Variants in DCTN5 observed in about 807,000 individuals in gnomAD.
DCTN5 encodes the protein dynactin 4.
DCTN5 carries 14 observed loss-of-function variants against 23.5 expected under a neutral mutation model. The observed-to-expected ratio is 0.60, with a 90% CI of 0.39 to 0.93. DCTN5 has a LOEUF of 0.93. Among genes scored for constraint, DCTN5 ranks in the 40% least tolerant of loss-of-function variants. The pLI, the probability that DCTN5 is intolerant of heterozygous loss-of-function variation, is 0.00. For synonymous variants in DCTN5, 67 were observed against 79.6 expected, an observed-to-expected ratio of 0.84 and a Z score of 0.84; for missense variants, 156 against 225.9, an observed-to-expected ratio of 0.69 and a Z score of 1.98.
chr16:23,669,739 C>T lies in DCTN5; in HGVS notation c.*2595C>T, dbSNP rs1187499801. On this transcript the variant is annotated 3_prime_UTR_variant, in exon 6 of 6. Transcript: ENST00000300087. ...CCCTCTGCCCAATCTCTCATTACTC[C>T]TGGTCTTGGGAGTTGCCTTCTGAGG... 6.6e-6 allele frequency: 1 copy of T among 152,356 alleles called. No homozygotes were observed. The highest frequency in any genetic ancestry group is 1.5e-5 in the Non-Finnish European group (1 of 68,184). The allele number at this position is 152,356 out of a possible 1,614,324, so 9.4% of individuals were successfully genotyped here.
At position 23,674,940 on chromosome 16, in the gene DCTN5, G is replaced by A. The variant is rs1968065640; in HGVS notation, c.*7796G>A. The A allele has an allele frequency of 6.6e-6, 1 of 152,074 alleles. No individual in the cohort carries two copies. The highest frequency in any genetic ancestry group is 6.6e-5 in the Admixed American group (1 of 15,252). 9.4% of individuals were successfully genotyped at this position (152,074 alleles called of 1,614,324 possible). ...GTATGGTCCCTCTGTCTGGGTGTCT[G>A]TGTCCTAATCTTCTCTTTTAATAAG... On this transcript the variant is annotated 3_prime_UTR_variant, in exon 6 of 6. Transcript: ENST00000300087.
At chr16:23,655,085 TTA>T (rs1274384943) in intron 2 of DCTN5, among the ~76,000 whole-genome samples, 3 of 152,230 alleles carry the variant, frequency 2.0e-5, no homozygotes, top group Non-Finnish European at 2.9e-5. Flanking sequence ...ATATACTCTT[TTA>T]TGTCAAGCTT....
chr16:23,650,791 CA>C, intron 2 of DCTN5: 2 of 1,532,032 alleles, frequency 1.3e-6, no homozygotes, highest in South Asian at 2.4e-5. Flanking sequence ...GCCCATATAT[CA>C]GATGTCACAG....
chr16:23,645,137 A>ATTTTTTTTTTTTT (rs869033729), intron 2 of DCTN5, among the ~76,000 whole-genome samples: 1 of 30,804 alleles, frequency 3.2e-5, no homozygotes, highest in African/African-American at 1.3e-4. Context: ...ATATATATAT[A>ATTTTTTTTTTTTT]TTTTTTTTTT....
intron 2 of DCTN5, among the ~76,000 whole-genome samples, chr16:23,647,712 T>A (rs542169180): frequency 6.6e-6 from 1 of 152,084 alleles, no homozygotes; most frequent in African/African-American, 2.4e-5. Context: ...TTTACCATGT[T>A]GGCCAGGCTG....
At position 23,643,047 on chromosome 16, in the gene DCTN5, G is replaced by T. The variant is rs1967335092; in HGVS notation, c.117+24G>T. 3 of 1,609,012 alleles carry T rather than the reference G, an allele frequency of 1.9e-6. No homozygotes were observed. In the African/African-American group the frequency reaches 4.0e-5, roughly 22 times the overall value. The stretch of plus-strand genomic sequence containing the variant: ...AGGTAAGGGACAAAGCCAGCTCCAG[G>T]CTGCAAACCTTAGCTTGCGTTCTGC... On this transcript the variant is annotated intron_variant, in intron 2 of 5. Coordinates refer to ENST00000300087, the MANE Select transcript of DCTN5 (RefSeq NM_032486.4).
chr16:23,648,842 C>A (rs1194715603), intron 2 of DCTN5, among the ~76,000 whole-genome samples: 1 of 147,484 alleles, frequency 6.8e-6, no homozygotes, highest in African/African-American at 2.5e-5. Context: ...TTGCCCTTCC[C>A]TATGATTAGT....
intron 2 of DCTN5, among the ~76,000 whole-genome samples, chr16:23,653,400 C>T (rs1967641234): frequency 1.3e-5 from 2 of 152,138 alleles, no homozygotes; most frequent in Non-Finnish European, 2.9e-5. Context: ...TAAGACCACA[C>T]ACCTACAACT....
At position 23,654,012 on chromosome 16, in the gene DCTN5, G is replaced by A. The variant is rs193055578; in HGVS notation, c.118-4495G>A. Among the ~76,000 whole-genome samples, 293 of 152,228 alleles carry A rather than the reference G, an allele frequency of 1.9e-3. 3 individuals carry two copies. Among genetic ancestry groups the A allele is most frequent in the African/African-American group, 6.9e-3 (285 of 41,556 alleles). On this transcript the variant is annotated intron_variant, in intron 2 of 5. Transcript: ENST00000300087. ...CCGTCTCACACCAGTCAGAATAGCTGTTATTAAAAAGTCAGAAAATAACAG... is the reference window on the plus strand; with the variant it reads ...CCGTCTCACACCAGTCAGAATAGCTATTATTAAAAAGTCAGAAAATAACAG...
intron 2 of DCTN5, among the ~76,000 whole-genome samples, chr16:23,645,137 A>ATTTTTTTTTTTTTT (rs869033729): frequency 6.5e-5 from 2 of 30,804 alleles, no homozygotes; most frequent in African/African-American, 2.6e-4. Flanking sequence ...ATATATATAT[A>ATTTTTTTTTTTTTT]TTTTTTTTTT....
rs1967257808 is a variant in DCTN5 at position 23,641,557 on chromosome 16, G to A, written c.15G>A (p.Glu5=). Residue 5 remains glutamate, a synonymous_variant, in exon 1 of 6, where the codon GAG becomes GAA. Coordinates refer to ENST00000300087, the MANE Select transcript of DCTN5 (RefSeq NM_032486.4). MELG[E]LLYNKSEYIE... ...AGGCGGCGGCCATGGAGTTGGGCGA[G>A]CTGCTCTACAACAAGTCTGAGTACA... 6.2e-7 allele frequency: 1 copy of A among 1,614,008 alleles called. No individual in the cohort carries two copies. The highest frequency in any genetic ancestry group is 1.7e-5 in the Admixed American group (1 of 59,998).
intron 2 of DCTN5, among the ~76,000 whole-genome samples, chr16:23,652,707 T>C (rs1414284125): frequency 1.3e-5 from 2 of 152,194 alleles, no homozygotes; most frequent in Admixed American, 1.3e-4. Context: ...AAAACTAATA[T>C]AGATTAGTTT....
intron 4 of DCTN5, among the ~76,000 whole-genome samples, chr16:23,662,670 A>G (rs1429066498): frequency 8.5e-5 from 13 of 152,232 alleles, no homozygotes; most frequent in Admixed American, 8.5e-4. Context: ...AGGGTACAGC[A>G]AAGGTGGACA....
Position 23,641,488 on chromosome 16 carries a change from A to T in DCTN5, c.-55A>T. 6.2e-7 allele frequency: 1 copy of T among 1,610,306 alleles called. No individual in the cohort carries two copies. Among genetic ancestry groups the T allele is most frequent in the South Asian group, 1.1e-5 (1 of 90,784 alleles). Reference sequence around the variant, plus strand: ...GCCGGAAGTAGCCGGAATCTCTGAAAGACTGACCGACTGACTCTGACAGGA... The same window carrying T: ...GCCGGAAGTAGCCGGAATCTCTGAATGACTGACCGACTGACTCTGACAGGA... On this transcript the variant is annotated 5_prime_UTR_variant, in exon 1 of 6. The change creates a new upstream start codon in the 5' untranslated region. Coordinates refer to ENST00000300087, the MANE Select transcript of DCTN5 (RefSeq NM_032486.4).
At position 23,673,986 on chromosome 16, in the gene DCTN5, G is replaced by A. The variant is rs1004577500; in HGVS notation, c.*6842G>A. On this transcript the variant is annotated 3_prime_UTR_variant, in exon 6 of 6. Transcript: ENST00000300087. ...GACTCTAAGACCAACAAGATAAAAA[G>A]GCAGCCTTGCATGTCACTTGGACCA... 1.3e-5 allele frequency: 2 copies of A among 152,170 alleles called. No individual in the cohort carries two copies. Among genetic ancestry groups the A allele is most frequent in the African/African-American group, 4.8e-5 (2 of 41,438 alleles). The allele number at this position is 152,170 out of a possible 1,614,324, so 9.4% of individuals were successfully genotyped here.
In DCTN5 at chr16:23,665,628, G is replaced by A; in HGVS notation, c.351G>A (p.Gly117=). The change falls in exon 5 of 6, where the codon GGG becomes GGA. Residue 117 remains glycine, a splice_region_variant and synonymous_variant. Coordinates refer to ENST00000300087, the MANE Select transcript of DCTN5 (RefSeq NM_032486.4). ...TATTAACAAGATTTTAATTTCAGGG[G>A]CGCCGATGTGTGTTGAAAGACTGCT... ...YVHVGKNCVI[G]RRCVLKDCCK... 1 of 1,611,764 alleles carries A rather than the reference G, an allele frequency of 6.2e-7. No homozygotes were observed. The highest frequency in any genetic ancestry group is 8.5e-7 in the Non-Finnish European group (1 of 1,179,530).
rs1959220180 is a variant in DCTN5, at chr16:23,675,986, C to CCT, written c.*8842_*8843insCT. On this transcript the variant is annotated 3_prime_UTR_variant, in exon 6 of 6. Transcript: ENST00000300087. ...TTCCCCTGGTAGGAGGTCTGTTCAC[C>CCT]TGTACAGCCTAATGGATGTCCTGCT... 3 of 152,102 alleles carry CCT rather than the reference C, an allele frequency of 2.0e-5. No individual in the cohort carries two copies. Among genetic ancestry groups the CCT allele is most frequent in the Admixed American group, 2.0e-4 (3 of 15,256 alleles). The allele number at this position is 152,102 out of a possible 1,614,324, so 9.4% of individuals were successfully genotyped here.
chr16:23,663,439 C>A (rs781194421), intron 4 of DCTN5, among the ~76,000 whole-genome samples: 3 of 152,140 alleles, frequency 2.0e-5, no homozygotes, highest in Non-Finnish European at 2.9e-5. Context: ...TCAGGCCAGG[C>A]GCAGTGGCTC....
intron 2 of DCTN5, among the ~76,000 whole-genome samples, chr16:23,648,329 T>A (rs1967514992): frequency 6.7e-6 from 1 of 148,640 alleles, no homozygotes; most frequent in Admixed American, 6.7e-5. Context: ...GCTGGCTAAT[T>A]TTTTTTTCTT....
Sources: gnomAD v4.1 joint callset for allele counts (sites outside exome capture counted in the v4.1 genomes callset) on GRCh38, gnomAD v4.1.1 for gene constraint, MANE v1.5 for transcripts, NCBI Gene and HGNC (gene_info 2026-07-23, HGNC 2026-07-21) for gene names.